The following ZNF518B variants were observed in gnomAD, a reference collection of about 807,000 sequenced individuals.
ZNF518B encodes the protein zinc finger protein 518B.
ZNF518B carries 23 observed loss-of-function variants against 56.3 expected under a neutral mutation model. That is an observed-to-expected ratio of 0.41 (90% CI 0.29 to 0.58). ZNF518B has a LOEUF of 0.58. ZNF518B is among the 20% of genes least tolerant of loss of function. The probability of loss-of-function intolerance (pLI) is 0.32; values close to 1 mark genes in which losing one functional copy is unlikely to be tolerated. For missense variants in ZNF518B, 1,460 were observed against 1,272.1 expected (o/e 1.15, Z -2.25); for synonymous variants, 529 against 465.9 (o/e 1.14, Z -1.74).
In ZNF518B at chr4:10,444,257, G is replaced by A. The variant is rs1714850821; in HGVS notation, c.2072C>T (p.Ser691Phe). The A allele has an allele frequency of 6.2e-7, 1 of 1,614,184 alleles. No individual in the cohort carries two copies. The highest frequency in any genetic ancestry group is 8.5e-7 in the Non-Finnish European group (1 of 1,180,036). ...SLASNSAHRR[S>F]VGQASKGTSK... ...AGTTCCCTTTGATGCCTGCCCTACA[G>A]AGCGACGATGTGCACTATTTGAAGC... The change falls in exon 3 of 3, where the codon TCT becomes TTT. Residue 691 changes from serine to phenylalanine, a missense_variant. By Grantham distance (155) the Ser-to-Phe change is radical (BLOSUM62 -2). Transcript: ENST00000326756.
At chr4:10,460,304 C>CAAAAAAAAAAA (rs1210892613), upstream of ZNF518B, among the ~76,000 whole-genome samples, 5 of 8,802 alleles carry the variant, frequency 5.7e-4, no homozygotes, top group Non-Finnish European at 8.1e-4. Flanking sequence ...GACTCTGTCT[C>CAAAAAAAAAAA]AAAAAAAAAA....
chr4:10,440,838 T>C lies in ZNF518B; in HGVS notation c.*2266A>G, dbSNP rs529771168. On this transcript the variant is annotated 3_prime_UTR_variant, in exon 3 of 3. Coordinates refer to ENST00000326756, the MANE Select transcript of ZNF518B (RefSeq NM_053042.3). ...GGAAAAAGCACTATGTGGTGAGGAA[T>C]AGGAGATAAAAAAGTGGCAAACAAA... 5.9e-5 allele frequency: 9 copies of C among 152,198 alleles called. No individual in the cohort carries two copies. Among genetic ancestry groups the C allele is most frequent in the South Asian group, 4.2e-4 (2 of 4,816 alleles). The allele number at this position is 152,198 out of a possible 1,614,324, so 9.4% of individuals were successfully genotyped here.
rs752170587 is a variant in ZNF518B, at chr4:10,443,620, A to G, written c.2709T>C (p.Ile903=). Residue 903 remains isoleucine (I), a synonymous_variant, in exon 3 of 3, where the codon ATT becomes ATC. Coordinates refer to ENST00000326756, the MANE Select transcript of ZNF518B (RefSeq NM_053042.3). ...TGAGACAGCGGCTAGGTTCAGCTTG[A>G]ATTTTGTTTTTCTTCCTGGATAAGT... ...QVHLSRKKNK[I]QAEPSRCLKD... 1.2e-6 allele frequency: 2 copies of G among 1,614,074 alleles called. No individual in the cohort carries two copies. Among genetic ancestry groups the G allele is most frequent in the Non-Finnish European group, 1.7e-6 (2 of 1,179,998 alleles).
intron 1 of ZNF518B, among the ~76,000 whole-genome samples, chr4:10,456,792 G>A (rs894798467): frequency 6.6e-6 from 1 of 152,198 alleles, no homozygotes; most frequent in African/African-American, 2.4e-5. Context: ...AGGCCCGCAG[G>A]AGGCTTTAAA....
Position 10,445,903 on chromosome 4 carries a change from GA to G in ZNF518B, c.425del (p.Phe142SerfsTer41). On this transcript the variant is annotated frameshift_variant, in exon 3 of 3. Transcript: ENST00000326756. LOFTEE classifies it low-confidence loss of function (END_TRUNC). ...PGKYYCDKCR[F>X]STKDPLQYKK... Reference sequence around the variant, plus strand: ...TGTACTGCAGCGGGTCCTTTGTAGAGAATCGACATTTATCACAATAGTATTT... The same window carrying G: ...TGTACTGCAGCGGGTCCTTTGTAGAGATCGACATTTATCACAATAGTATTT... 6.2e-7 allele frequency: 1 copy of G among 1,614,174 alleles called. No homozygotes were observed. Among genetic ancestry groups the G allele is most frequent in the Non-Finnish European group, 8.5e-7 (1 of 1,180,036 alleles).
chr4:10,453,094 CCTAT>C (rs1305494258), intron 2 of ZNF518B: 1 of 152,136 alleles, frequency 6.6e-6, no homozygotes, highest in African/African-American at 2.4e-5. Context: ...AACTTGTTAA[CCTAT>C]CTGAGCCTGA....
chr4:10,449,289 G>A (rs746159844), intron 2 of ZNF518B, among the ~76,000 whole-genome samples: 1 of 152,160 alleles, frequency 6.6e-6, no homozygotes, highest in African/African-American at 2.4e-5. Flanking sequence ...GAGAAGAAAG[G>A]AAAGGAGATT....
At chr4:10,447,227 T>C (rs1715097652) in intron 2 of ZNF518B, among the ~76,000 whole-genome samples, 1 of 152,140 alleles carries the variant, frequency 6.6e-6, no homozygotes, top group African/African-American at 2.4e-5. Context: ...AGATTACATA[T>C]TTGCCAATGG....
intron 2 of ZNF518B, among the ~76,000 whole-genome samples, chr4:10,449,086 T>C (rs868043482): frequency 6.6e-6 from 1 of 152,210 alleles, no homozygotes; most frequent in East Asian, 1.9e-4. Flanking sequence ...AACATTGTTA[T>C]CCAGATAAAA....
At chr4:10,460,513 C>T (rs1715712923), upstream of ZNF518B, among the ~76,000 whole-genome samples, 1 of 151,902 alleles carries the variant, frequency 6.6e-6, no homozygotes, top group African/African-American at 2.4e-5. Context: ...AGGAAGCTGC[C>T]ACAAGAAGAT....
At chr4:10,460,227 CCCAA>C (rs201553078), upstream of ZNF518B, among the ~76,000 whole-genome samples, 8,933 of 144,460 alleles carry the variant, frequency 0.062, 367 homozygotes, top group Non-Finnish European at 0.088. Context: ...ATTGCTTGAA[CCCAA>C]GAGACGGAGG....
chr4:10,460,551 C>T (rs1715716547), upstream of ZNF518B, among the ~76,000 whole-genome samples: 2 of 152,068 alleles, frequency 1.3e-5, no homozygotes, highest in Non-Finnish European at 2.9e-5. Flanking sequence ...AGAGCATGTA[C>T]AAAGGCCCTG....
At chr4:10,456,370 T>G (rs1055630281) in intron 1 of ZNF518B, among the ~76,000 whole-genome samples, 1 of 152,122 alleles carries the variant, frequency 6.6e-6, no homozygotes, top group Non-Finnish European at 1.5e-5. Flanking sequence ...ACCCTGCAAT[T>G]TCTTGGCTTT....
intron 2 of ZNF518B, among the ~76,000 whole-genome samples, chr4:10,450,614 C>T (rs886498909): frequency 1.3e-5 from 2 of 152,190 alleles, no homozygotes; most frequent in African/African-American, 4.8e-5. Context: ...TGGTTCACAT[C>T]CAAGTATACA....
At chr4:10,447,672 A>C (rs1242099423) in intron 2 of ZNF518B, among the ~76,000 whole-genome samples, 3 of 137,144 alleles carry the variant, frequency 2.2e-5, no homozygotes, top group Admixed American at 1.6e-4. Flanking sequence ...TTTTTGAGAC[A>C]GTGTTTCACT....
rs1352711819 is a variant in ZNF518B, at chr4:10,446,366, G to C, written c.-38C>G. On this transcript the variant is annotated 5_prime_UTR_variant, in exon 3 of 3. Transcript: ENST00000326756. ...TCTAAAAAGAGCCAACTAAAATTCA[G>C]AAAGTTTTCACATGATAAAATCCTT... 1 of 1,575,994 alleles carries C rather than the reference G, an allele frequency of 6.3e-7. No individual in the cohort carries two copies. Among genetic ancestry groups the C allele is most frequent in the African/African-American group, 1.4e-5 (1 of 73,672 alleles).
At position 10,444,349 on chromosome 4, in the gene ZNF518B, CTTTA is replaced by C. The variant is rs2108985153; in HGVS notation, c.1976_1979del (p.Ile659SerfsTer10). On this transcript the variant is annotated frameshift_variant, in exon 3 of 3. Transcript: ENST00000326756. LOFTEE classifies it high-confidence loss of function. ...TCTTTCTGCGCAACAGTTCAATTGA[CTTTA>C]TTTTAGACGTTGAGCTATTCCACTT... The C allele has an allele frequency of 1.2e-6, 2 of 1,614,200 alleles. No homozygotes were observed. Among genetic ancestry groups the C allele is most frequent in the Non-Finnish European group, 1.7e-6 (2 of 1,180,034 alleles).
In ZNF518B at chr4:10,442,583, A is replaced by G. The variant is rs1049494806; in HGVS notation, c.*521T>C. On this transcript the variant is annotated 3_prime_UTR_variant, in exon 3 of 3. Coordinates refer to ENST00000326756, the MANE Select transcript of ZNF518B (RefSeq NM_053042.3). The stretch of plus-strand genomic sequence containing the variant: ...TATTACAAAACCAGGGAGGGAGTAA[A>G]AGAATGGCCATTTCTCTATAACCAA... 1 of 154,158 alleles carries G rather than the reference A, an allele frequency of 6.5e-6. No homozygotes were observed. Among genetic ancestry groups the G allele is most frequent in the African/African-American group, 2.4e-5 (1 of 41,448 alleles). 9.5% of individuals were successfully genotyped at this position (154,158 alleles called of 1,614,324 possible).
Position 10,444,385 on chromosome 4 carries a change from C to T in ZNF518B, c.1944G>A (p.Glu648=). The T allele has an allele frequency of 6.2e-7, 1 of 1,614,144 alleles. No individual in the cohort carries two copies. The highest frequency in any genetic ancestry group is 8.5e-7 in the Non-Finnish European group (1 of 1,180,004). ...ACGTTGAGCTATTCCACTTAATGCC[C>T]TCGGGGACATTTTCAGATCCAGAGC... ...SLSSGSENVP[E]GIKWNSSTSK... Residue 648 remains glutamate (E), a synonymous_variant, in exon 3 of 3, where the codon GAG becomes GAA. Coordinates refer to ENST00000326756, the MANE Select transcript of ZNF518B (RefSeq NM_053042.3).
Sources: gnomAD v4.1 joint callset for allele counts (sites outside exome capture counted in the v4.1 genomes callset) on GRCh38, gnomAD v4.1.1 for gene constraint, MANE v1.5 for transcripts, NCBI Gene and HGNC (gene_info 2026-07-23, HGNC 2026-07-21) for gene names.